TMEM168: variants seen among roughly 807,000 people sequenced by gnomAD.
TMEM168 encodes the protein transmembrane protein 168.
TMEM168 carries 40 observed loss-of-function variants against 53.2 expected under a neutral mutation model. That is an observed-to-expected ratio of 0.75 (90% confidence interval 0.58 to 0.98). The LOEUF is 0.98. TMEM168 is among the 50% of genes least tolerant of loss of function. The pLI is 0.00. For synonymous variants in TMEM168, 282 were observed against 293.0 expected, an observed-to-expected ratio of 0.96 and a Z score of 0.38; for missense variants, 771 against 828.8, an observed-to-expected ratio of 0.93 and a Z score of 0.86.
At chr7:112,789,139 C>T (rs1017525477) in intron 1 of TMEM168, among the ~76,000 whole-genome samples, 10 of 152,200 alleles carry the variant, frequency 6.6e-5, no homozygotes, top group Non-Finnish European at 1.3e-4. Flanking sequence ...AGGTACACTC[C>T]TTTTCCTCCT....
Position 112,767,376 on chromosome 7 carries a change from A to G in TMEM168, c.1915T>C (p.Trp639Arg). Residue 639 changes from tryptophan to arginine, a missense_variant, in exon 5 of 5, where the codon TGG becomes CGG. Trp to Arg is a moderately radical substitution (Grantham distance 101, BLOSUM62 -3). Transcript: ENST00000312814. ...LPTGSDVAKH[W>R]MLHFPRITYP... is the part of the protein sequence containing the mutation. ...GTAATACGAGGAAAGTGTAACATCC[A>G]GTGCTTGGCCACATCGCTTCCCGTT... The G allele has an allele frequency of 6.2e-7, 1 of 1,614,212 alleles. No individual in the cohort carries two copies. The highest frequency in any genetic ancestry group is 8.5e-7 in the Non-Finnish European group (1 of 1,180,014).
chr7:112,780,939 G>A (rs1429403526), intron 2 of TMEM168, among the ~76,000 whole-genome samples: 6 of 86,670 alleles, frequency 6.9e-5, no homozygotes, highest in East Asian at 3.1e-4. Context: ...TACATGATCC[G>A]TATCAAAAAA....
chr7:112,768,410 T>C (rs898424757), intron 4 of TMEM168, among the ~76,000 whole-genome samples: 8 of 152,106 alleles, frequency 5.3e-5, no homozygotes, highest in African/African-American at 1.9e-4. Context: ...TGTATCATTG[T>C]TTCCTTCTCT....
chr7:112,779,046 C>A (rs1793163235), intron 2 of TMEM168, among the ~76,000 whole-genome samples: 1 of 152,078 alleles, frequency 6.6e-6, no homozygotes, highest in African/African-American at 2.4e-5. Context: ...CATGCACCAC[C>A]ATGCCTGGCT....
In TMEM168 at chr7:112,782,743, G is replaced by A. The variant is rs144772857; in HGVS notation, c.1128+955C>T. Among the ~76,000 whole-genome samples, 33 of 152,236 alleles carry A rather than the reference G, an allele frequency of 2.2e-4. No homozygotes were observed. The East Asian group carries it at 6.4e-3, about 29-fold the overall frequency. On this transcript the variant is annotated intron_variant, in intron 2 of 4. Transcript: ENST00000312814. ...CTCAGCAGCAACAAACTGTTACAAA[G>A]CAGAGAGCTGCACCAAGCAGAGCTG...
Position 112,768,079 on chromosome 7 carries a change from C to G in TMEM168, c.1547-335G>C, listed in dbSNP as rs942709800. ...ATACAGAAAAGCTAACATTCTACAC[C>G]AGGGGCAGCAACTACAACTCATGGG... On this transcript the variant is annotated intron_variant, in intron 4 of 4. Coordinates refer to ENST00000312814, the MANE Select transcript of TMEM168 (RefSeq NM_022484.6). Among the ~76,000 whole-genome samples, 14 of 152,056 alleles carry G rather than the reference C, an allele frequency of 9.2e-5. 1 individual carries two copies. Among genetic ancestry groups the G allele is most frequent in the African/African-American group, 2.7e-4 (11 of 41,412 alleles).
At chr7:112,768,716 A>G (rs937135595) in intron 4 of TMEM168, among the ~76,000 whole-genome samples, 5 of 151,968 alleles carry the variant, frequency 3.3e-5, no homozygotes, top group African/African-American at 1.2e-4. Context: ...TGCCACCCTC[A>G]CCTCATCTGG....
At position 112,767,215 on chromosome 7, in the gene TMEM168, G is replaced by A. The variant is rs1792802911; in HGVS notation, c.2076C>T (p.Phe692=). ...GTCCAAATTAAGATTTGACAAGTTT[G>A]AAGCCTTGTCCTGTGTCCAGCACAG... is the stretch of plus-strand genomic sequence containing the variant. The part of the protein sequence containing the change: ...LPTVLDTGQG[F]KLVKS Residue 692 remains phenylalanine (F), a synonymous_variant, in exon 5 of 5, where the codon TTC becomes TTT. Coordinates refer to ENST00000312814, the MANE Select transcript of TMEM168 (RefSeq NM_022484.6). 2.5e-6 allele frequency: 4 copies of A among 1,611,726 alleles called. No homozygotes were observed. The highest frequency in any genetic ancestry group is 1.3e-5 in the African/African-American group (1 of 74,732).
intron 3 of TMEM168, among the ~76,000 whole-genome samples, chr7:112,774,013 C>T (rs570763785): frequency 1.1e-4 from 16 of 152,194 alleles, no homozygotes; most frequent in African/African-American, 3.9e-4. Flanking sequence ...TGTATTAAGT[C>T]TTTAACGAAG....
At chr7:112,776,132 T>A (rs1245537055) in intron 2 of TMEM168, among the ~76,000 whole-genome samples, 1 of 151,866 alleles carries the variant, frequency 6.6e-6, no homozygotes, top group South Asian at 2.1e-4. Context: ...GTATAAGTTC[T>A]TAAGGAAATT....
chr7:112,773,079 A>G lies in TMEM168; in HGVS notation c.1272-24T>C, dbSNP rs776993060. 3 of 1,571,426 alleles carry G rather than the reference A, an allele frequency of 1.9e-6. No homozygotes were observed. The South Asian group carries it at 3.5e-5, about 18-fold the overall frequency. ...GACTGAAGTAGGAGAAAAAACAAGA[A>G]GTACTCATTCTATATCACATTCTCA... On this transcript the variant is annotated intron_variant, in intron 3 of 4. Transcript: ENST00000312814.
At chr7:112,775,654 A>G (rs899862045) in intron 2 of TMEM168, among the ~76,000 whole-genome samples, 1 of 151,972 alleles carries the variant, frequency 6.6e-6, no homozygotes, top group Admixed American at 6.6e-5. Flanking sequence ...AACAGAGAAA[A>G]TGCCAGAAAA....
chr7:112,784,870 C>T lies in TMEM168; in HGVS notation c.-45G>A, dbSNP rs200494887. 95 of 1,494,346 alleles carry T rather than the reference C, an allele frequency of 6.4e-5. No individual in the cohort carries two copies. Among genetic ancestry groups the T allele is most frequent in the East Asian group, 6.9e-5 (3 of 43,618 alleles). 92.6% of individuals were successfully genotyped at this position (1,494,346 alleles called of 1,614,324 possible). ...TTTCCCTCACGTTACAAAAATTAAC[C>T]GCTTGTATTTCATCCAGTATATCCA... On this transcript the variant is annotated 5_prime_UTR_variant, in exon 2 of 5. Coordinates refer to ENST00000312814, the MANE Select transcript of TMEM168 (RefSeq NM_022484.6).
chr7:112,775,592 C>A (rs1793058844), intron 2 of TMEM168, among the ~76,000 whole-genome samples: 1 of 148,756 alleles, frequency 6.7e-6, no homozygotes, highest in Admixed American at 6.6e-5. Context: ...AACATCCTAT[C>A]CAGACGAGAA....
chr7:112,787,655 T>C (rs1793422581), intron 1 of TMEM168, among the ~76,000 whole-genome samples: 1 of 147,906 alleles, frequency 6.8e-6, no homozygotes, highest in Non-Finnish European at 1.5e-5. Flanking sequence ...CCTCAGGTGA[T>C]CCACCCGCCT....
intron 3 of TMEM168, among the ~76,000 whole-genome samples, chr7:112,774,747 A>C (rs990899413): frequency 7.2e-5 from 11 of 151,726 alleles, no homozygotes; most frequent in African/African-American, 2.7e-4. Flanking sequence ...CACCTGGCTA[A>C]TTTTTGTATT....
In TMEM168 at chr7:112,765,065, C is replaced by T. The variant is rs1490002842; in HGVS notation, c.*2132G>A. 6.6e-6 allele frequency: 1 copy of T among 152,246 alleles called. No individual in the cohort carries two copies. The highest frequency in any genetic ancestry group is 1.5e-5 in the Non-Finnish European group (1 of 68,090). The allele number at this position is 152,246 out of a possible 1,614,324, so 9.4% of individuals were successfully genotyped here. On this transcript the variant is annotated 3_prime_UTR_variant, in exon 5 of 5. Coordinates refer to ENST00000312814, the MANE Select transcript of TMEM168 (RefSeq NM_022484.6). Reference sequence around the variant, plus strand: ...TCCTGGCCTCAAGTGATCCACCCACCTAGGCCTCCCAAAGTGCTGGGATTA... The same window carrying T: ...TCCTGGCCTCAAGTGATCCACCCACTTAGGCCTCCCAAAGTGCTGGGATTA...
chr7:112,785,887 T>A (rs1316216160), intron 1 of TMEM168, among the ~76,000 whole-genome samples: 14 of 152,118 alleles, frequency 9.2e-5, no homozygotes, highest in Admixed American at 9.2e-4. Flanking sequence ...GGTAATGCTA[T>A]CTAAAGAGAA....
Position 112,784,270 on chromosome 7 carries a change from C to CTGA in TMEM168, c.555_556insTCA (p.Val185_Ala186insSer). The CTGA allele has an allele frequency of 6.2e-7, 1 of 1,614,060 alleles. No homozygotes were observed. On this transcript the variant is annotated inframe_insertion, in exon 2 of 5. Coordinates refer to ENST00000312814, the MANE Select transcript of TMEM168 (RefSeq NM_022484.6). ...AGATCAATAATCAGCATAGCCAGAG[C>CTGA]TACAACAAGCAAAATGACACTCAGA...
Sources: allele counts gnomAD v4.1 joint callset (sites outside exome capture counted in the v4.1 genomes callset), GRCh38; gene constraint gnomAD v4.1.1; transcripts MANE v1.5; gene names NCBI Gene and HGNC (gene_info 2026-07-23, HGNC 2026-07-21).